Variants in FHIT observed in about 807,000 individuals in gnomAD.
FHIT encodes bis(5'-adenosyl)-triphosphatase.
FHIT carries 19 observed loss-of-function variants against 17.9 expected under a neutral mutation model. The observed-to-expected ratio is 1.06, with a 90% CI of 0.74 to 1.56. The LOEUF (loss-of-function observed/expected upper bound fraction) is 1.56. FHIT is among the 40% of genes most tolerant of loss of function. The pLI, the probability that FHIT is intolerant of heterozygous loss-of-function variation, is 0.00. For missense variants in FHIT, 248 were observed against 189.2 expected (o/e 1.31, Z -1.82); for synonymous variants, 81 against 69.7 (o/e 1.16, Z -0.81).
intron 8 of FHIT, among the ~76,000 whole-genome samples, chr3:59,791,456 T>G (rs1699555939): frequency 6.6e-6 from 1 of 152,168 alleles, no homozygotes; most frequent in African/African-American, 2.4e-5. Flanking sequence ...AAGCCCCTAA[T>G]GACATTGCTT....
At chr3:61,206,926 G>C (rs1262092180) in intron 1 of FHIT, among the ~76,000 whole-genome samples, 1 of 152,138 alleles carries the variant, frequency 6.6e-6, no homozygotes, top group Non-Finnish European at 1.5e-5. Flanking sequence ...TCTAGTTTTT[G>C]TCCATTCAGT....
At chr3:60,554,344 T>G (rs1278557988) in intron 4 of FHIT, among the ~76,000 whole-genome samples, 1 of 152,050 alleles carries the variant, frequency 6.6e-6, no homozygotes, top group African/African-American at 2.4e-5. Context: ...AAACAATCCT[T>G]AAAGAGGAGA....
At chr3:61,159,647 A>G (rs541569977) in intron 2 of FHIT, among the ~76,000 whole-genome samples, 1 of 152,374 alleles carries the variant, frequency 6.6e-6, no homozygotes, top group African/African-American at 2.4e-5. Flanking sequence ...CTAATTCTCA[A>G]TACTTGTACA....
chr3:60,229,822 C>CT (rs1419168085), intron 5 of FHIT, among the ~76,000 whole-genome samples: 1 of 152,050 alleles, frequency 6.6e-6, no homozygotes, highest in Admixed American at 6.6e-5. Flanking sequence ...TCTAAAAGGA[C>CT]TTTTTTAAAG....
chr3:60,437,488 A>C (rs928594376), intron 5 of FHIT, among the ~76,000 whole-genome samples: 4 of 152,240 alleles, frequency 2.6e-5, no homozygotes, highest in Non-Finnish European at 5.9e-5. Context: ...TATGCCCGCC[A>C]TGACACATCA....
At chr3:61,096,820 G>GA (rs2035653378) in intron 2 of FHIT, among the ~76,000 whole-genome samples, 1 of 152,044 alleles carries the variant, frequency 6.6e-6, no homozygotes, top group Admixed American at 6.6e-5. Context: ...AAGTGAGCTG[G>GA]AAAAAAGAGG....
At chr3:60,368,533 T>C (rs555247964) in intron 5 of FHIT, among the ~76,000 whole-genome samples, 4 of 151,122 alleles carry the variant, frequency 2.6e-5, no homozygotes, top group African/African-American at 4.9e-5. Context: ...TAGAAATATA[T>C]ATACATATAT....
intron 2 of FHIT, among the ~76,000 whole-genome samples, chr3:61,145,289 A>T (rs1485304401): frequency 6.6e-6 from 1 of 152,126 alleles, no homozygotes; most frequent in East Asian, 1.9e-4. Flanking sequence ...TTTATTGAAA[A>T]GACTAATATT....
At chr3:59,770,131 T>C (rs1481937875) in intron 8 of FHIT, among the ~76,000 whole-genome samples, 1 of 152,174 alleles carries the variant, frequency 6.6e-6, no homozygotes, top group Admixed American at 6.5e-5. Flanking sequence ...CATGATAAGT[T>C]CCCACACTAA....
intron 8 of FHIT, among the ~76,000 whole-genome samples, chr3:59,789,464 T>C (rs902769969): frequency 1.3e-5 from 2 of 152,224 alleles, no homozygotes; most frequent in African/African-American, 4.8e-5. Context: ...CTAAGATTAA[T>C]ACTTTCTGTT....
At chr3:60,729,290 A>G (rs530465011) in intron 4 of FHIT, among the ~76,000 whole-genome samples, 4 of 152,378 alleles carry the variant, frequency 2.6e-5, no homozygotes, top group Non-Finnish European at 4.4e-5. Context: ...TGTGGAAATG[A>G]AAAGAGCCAC....
intron 5 of FHIT, among the ~76,000 whole-genome samples, chr3:60,207,650 A>G (rs2107508789): frequency 6.6e-6 from 1 of 152,312 alleles, no homozygotes; most frequent in Admixed American, 6.5e-5. Flanking sequence ...GTGACACTCA[A>G]TAAAAATGCT....
At chr3:60,205,285 ATAT>A (rs1181734044) in intron 5 of FHIT, among the ~76,000 whole-genome samples, 1 of 152,152 alleles carries the variant, frequency 6.6e-6, no homozygotes, top group Admixed American at 6.5e-5. Flanking sequence ...AGAATGAGTA[ATAT>A]TCCATTTTTG....
At chr3:60,723,779 A>T (rs1410422828) in intron 4 of FHIT, among the ~76,000 whole-genome samples, 2 of 152,158 alleles carry the variant, frequency 1.3e-5, no homozygotes, top group Non-Finnish European at 2.9e-5. Context: ...AGAACCTTGC[A>T]AGTGGTCTTG....
chr3:59,986,234 C>T (rs762254271), intron 7 of FHIT, among the ~76,000 whole-genome samples: 6 of 151,864 alleles, frequency 4.0e-5, no homozygotes, highest in Non-Finnish European at 8.8e-5. Context: ...GAATTTCCCA[C>T]ATCCTTAAGA....
intron 5 of FHIT, among the ~76,000 whole-genome samples, chr3:60,358,334 T>C (rs1470632579): frequency 6.6e-6 from 1 of 152,212 alleles, no homozygotes; most frequent in Non-Finnish European, 1.5e-5. Flanking sequence ...TTTCCTTTCC[T>C]TAACCTATTG....
At chr3:61,214,513 C>T (rs540479392) in intron 1 of FHIT, among the ~76,000 whole-genome samples, 133 of 152,140 alleles carry the variant, frequency 8.7e-4, no homozygotes, top group Non-Finnish European at 1.5e-3. Context: ...TGGCAATAAT[C>T]AATAGCTTAC....
chr3:60,822,915 C>A (rs1701976626), intron 3 of FHIT, among the ~76,000 whole-genome samples: 1 of 152,186 alleles, frequency 6.6e-6, no homozygotes, highest in Admixed American at 6.6e-5. Flanking sequence ...GGGTTTCCTT[C>A]ATGTACACTT....
At chr3:60,055,788 G>A (rs1028249254) in intron 5 of FHIT, among the ~76,000 whole-genome samples, 4 of 152,118 alleles carry the variant, frequency 2.6e-5, no homozygotes, top group African/African-American at 9.7e-5. Context: ...GCACTTAGAG[G>A]AACGGGAAGG....
Sources: gnomAD v4.1 joint callset for allele counts (sites outside exome capture counted in the v4.1 genomes callset) on GRCh38, gnomAD v4.1.1 for gene constraint, MANE v1.5 for transcripts, NCBI Gene and HGNC (gene_info 2026-07-23, HGNC 2026-07-21) for gene names.